Variants in ADGRG6 observed in about 807,000 individuals in gnomAD.
ADGRG6 encodes the protein adhesion G protein-coupled receptor G6.
A neutral mutation model predicts 142.4 loss-of-function variants in ADGRG6; 84 were observed. That is an observed-to-expected ratio of 0.59 (90% CI 0.49 to 0.71). The LOEUF (loss-of-function observed/expected upper bound fraction) is 0.71, where lower values mean the gene tolerates loss of function less well. Among genes scored for constraint, ADGRG6 ranks in the 30% least tolerant of loss-of-function variants. ADGRG6 has a pLI of 0.00. For synonymous variants in ADGRG6, 521 were observed against 520.5 expected, an observed-to-expected ratio of 1.00 and a Z score of -0.01; for missense variants, 1,367 against 1,466.6, an observed-to-expected ratio of 0.93 and a Z score of 1.11.
intron 24 of ADGRG6, among the ~76,000 whole-genome samples, chr6:142,442,948 C>T (rs1002143075): frequency 2.0e-5 from 3 of 152,194 alleles, no homozygotes; most frequent in Non-Finnish European, 4.4e-5. Context: ...TATTTGAAAA[C>T]ATATCTTAGA....
chr6:142,434,708 C>T (rs1050164162), intron 22 of ADGRG6, among the ~76,000 whole-genome samples: 6 of 152,024 alleles, frequency 3.9e-5, no homozygotes, highest in Non-Finnish European at 8.8e-5. Flanking sequence ...TTCTGCAAGT[C>T]AAAATATGTA....
intron 2 of ADGRG6, among the ~76,000 whole-genome samples, chr6:142,324,503 C>T (rs1778666536): frequency 6.6e-6 from 1 of 152,144 alleles, no homozygotes; most frequent in Non-Finnish European, 1.5e-5. Flanking sequence ...CATTCTCCGT[C>T]ATTGCTGCCT....
chr6:142,336,460 G>T (rs1262875617), intron 2 of ADGRG6, among the ~76,000 whole-genome samples: 2 of 152,140 alleles, frequency 1.3e-5, no homozygotes, highest in African/African-American at 4.8e-5. Context: ...TTTGTGGTTT[G>T]CTCTCTGGGG....
At position 142,417,367 on chromosome 6, in the gene ADGRG6, A is replaced by G. The variant is rs1582660200; in HGVS notation, c.3033A>G (p.Glu1011=). 6.8e-7 allele frequency: 1 copy of G among 1,460,528 alleles called. No homozygotes were observed. Among genetic ancestry groups the G allele is most frequent in the Non-Finnish European group, 9.6e-7 (1 of 1,045,442 alleles). 90.5% of individuals were successfully genotyped at this position (1,460,528 alleles called of 1,614,324 possible). ...KESYGKEKGD[E]FCWIQDPVIF... is the part of the protein sequence containing the mutation. ...GTTATGGGAAAGAAAAAGGTGATGA[A>G]TTGTAAGTAATAAAAACTTTTTGTG... The change falls in exon 21 of 25, where the codon GAA becomes GAG. Residue 1011 remains glutamate (E), a splice_region_variant and synonymous_variant. Transcript: ENST00000367609.
intron 22 of ADGRG6, among the ~76,000 whole-genome samples, chr6:142,430,995 G>GCAA (rs1777181346): frequency 6.6e-6 from 1 of 151,884 alleles, no homozygotes; most frequent in African/African-American, 2.4e-5. Flanking sequence ...TGTGTTACTT[G>GCAA]CAACACCCTT....
intron 2 of ADGRG6, among the ~76,000 whole-genome samples, chr6:142,365,610 A>G (rs1358865431): frequency 4.6e-5 from 7 of 152,182 alleles, no homozygotes; most frequent in Admixed American, 4.6e-4. Context: ...AAGAGAAAGC[A>G]TTTGGCAGAC....
At position 142,400,465 on chromosome 6, in the gene ADGRG6, TG is replaced by T; in HGVS notation, c.1568-18del. 1 of 1,151,382 alleles carries T rather than the reference TG, an allele frequency of 8.7e-7. No homozygotes were observed. The highest frequency in any genetic ancestry group is 1.3e-6 in the Non-Finnish European group (1 of 761,098). The allele number at this position is 1,151,382 out of a possible 1,614,324, so 71.3% of individuals were successfully genotyped here. On this transcript the variant is annotated intron_variant, in intron 10 of 24. Coordinates refer to ENST00000367609, the MANE Select transcript of ADGRG6 (RefSeq NM_198569.3). ...AAAAATAGGTGAATATTTCTCATGC[TG>T]GTTCTTATGTTCATATAGGTCATTG...
At chr6:142,342,870 T>C (rs1779722063) in intron 2 of ADGRG6, among the ~76,000 whole-genome samples, 1 of 151,848 alleles carries the variant, frequency 6.6e-6, no homozygotes, top group African/African-American at 2.4e-5. Flanking sequence ...AAATATATTT[T>C]AGTAAGTAAA....
rs1285276608 is a variant in ADGRG6, at chr6:142,444,793, T to C, written c.*1278T>C. 6.6e-6 allele frequency: 1 copy of C among 152,164 alleles called. No homozygotes were observed. Among genetic ancestry groups the C allele is most frequent in the Non-Finnish European group, 1.5e-5 (1 of 68,036 alleles). 9.4% of individuals were successfully genotyped at this position (152,164 alleles called of 1,614,324 possible). The stretch of plus-strand genomic sequence containing the variant: ...GAATGTATAGGAGACCACATTGTAA[T>C]TGTTCTTAGATGATGGAGTCCATGC... On this transcript the variant is annotated 3_prime_UTR_variant, in exon 25 of 25. Coordinates refer to ENST00000367609, the MANE Select transcript of ADGRG6 (RefSeq NM_198569.3).
intron 2 of ADGRG6, among the ~76,000 whole-genome samples, chr6:142,352,050 T>C (rs1425546999): frequency 2.0e-5 from 3 of 152,142 alleles, no homozygotes; most frequent in Admixed American, 1.3e-4. Context: ...TGGAAAACAG[T>C]GTGGAGATTT....
rs1022605130 is a variant in ADGRG6 at position 142,438,428 on chromosome 6, C to A, written c.3574+64C>A. 1.2e-4 allele frequency: 130 copies of A among 1,119,800 alleles called. No individual in the cohort carries two copies. The African/African-American group carries it at 1.8e-3, about 15-fold the overall frequency. The allele number at this position is 1,119,800 out of a possible 1,614,324, so 69.4% of individuals were successfully genotyped here. On this transcript the variant is annotated intron_variant, in intron 24 of 24. Coordinates refer to ENST00000367609, the MANE Select transcript of ADGRG6 (RefSeq NM_198569.3). ...ATTTTCATTGCAAAAATTGGCATAT[C>A]ATGAAGATTGATAAATCACAGTGCC...
chr6:142,388,001 G>A (rs1782115808), intron 6 of ADGRG6, among the ~76,000 whole-genome samples: 1 of 152,174 alleles, frequency 6.6e-6, no homozygotes, highest in Non-Finnish European at 1.5e-5. Flanking sequence ...CACCGTGAGT[G>A]TTGTTAACAT....
At chr6:142,314,136 G>A (rs1465706609) in intron 2 of ADGRG6, among the ~76,000 whole-genome samples, 2 of 152,128 alleles carry the variant, frequency 1.3e-5, no homozygotes, top group African/African-American at 4.8e-5. Flanking sequence ...ATATTTCCTT[G>A]AGGCAACTTT....
At position 142,342,515 on chromosome 6, in the gene ADGRG6, C is replaced by T. The variant is rs139146933; in HGVS notation, c.104-25054C>T. Among the ~76,000 whole-genome samples the T allele has an allele frequency of 1.8e-3, 276 of 152,084 alleles. 7 individuals are homozygous for T. The East Asian group carries it at 0.039, about 22-fold the overall frequency. ...TTAAAGATTATGAAAACCCTAATTT[C>T]CTGAGCATTCTTATTGATACTTTAC... On this transcript the variant is annotated intron_variant, in intron 2 of 24. Coordinates refer to ENST00000367609, the MANE Select transcript of ADGRG6 (RefSeq NM_198569.3).
At chr6:142,376,310 G>A (rs186654346) in intron 4 of ADGRG6, among the ~76,000 whole-genome samples, 2 of 152,284 alleles carry the variant, frequency 1.3e-5, no homozygotes, top group Admixed American at 1.3e-4. Context: ...TCTTTCCTGA[G>A]GGAGTGGTAC....
chr6:142,414,227 C>T (rs1358230898), intron 18 of ADGRG6, among the ~76,000 whole-genome samples: 2 of 152,060 alleles, frequency 1.3e-5, no homozygotes. Context: ...TCTACCAAGT[C>T]CAGACCTGTA....
At chr6:142,408,834 C>A (rs566680837) in intron 16 of ADGRG6, among the ~76,000 whole-genome samples, 11 of 152,162 alleles carry the variant, frequency 7.2e-5, no homozygotes, top group South Asian at 4.2e-4. Flanking sequence ...CCAAAGGGCC[C>A]TCATCATGAT....
At position 142,370,196 on chromosome 6, in the gene ADGRG6, G is replaced by T. The variant is rs746494154; in HGVS notation, c.472G>T (p.Val158Phe). The change falls in exon 4 of 25, where the codon GTC becomes TTC. Residue 158 changes from valine (V) to phenylalanine (F), a missense_variant. Around this residue, in one of 3 missense-constraint regions of ADGRG6, gnomAD observed 737 missense variants for 746.5 expected, o/e 0.99. Transcript: ENST00000367609. ...RVAVSLRNQK[V>F]ILPQTSDAYQ... is the part of the protein sequence containing the mutation. Reference sequence around the variant, plus strand: ...TGCCGTGTCCTTAAGGAATCAAAAGGTCATTTTACCCCAGACATCAGATGC... The same window carrying T: ...TGCCGTGTCCTTAAGGAATCAAAAGTTCATTTTACCCCAGACATCAGATGC... 1.9e-6 allele frequency: 3 copies of T among 1,604,122 alleles called. No individual in the cohort carries two copies. Among genetic ancestry groups the T allele is most frequent in the Non-Finnish European group, 2.6e-6 (3 of 1,171,774 alleles).
intron 22 of ADGRG6, among the ~76,000 whole-genome samples, chr6:142,428,798 G>A (rs1367078290): frequency 3.3e-5 from 5 of 151,974 alleles, no homozygotes; most frequent in Non-Finnish European, 5.9e-5. Context: ...GGGATTATGG[G>A]GATTACAATT....
Sources: gnomAD v4.1 joint callset for allele counts (sites outside exome capture counted in the v4.1 genomes callset) on GRCh38, gnomAD v4.1.1 for gene constraint, gnomAD v4.1.1 regional missense constraint, MANE v1.5 for transcripts, NCBI Gene and HGNC (gene_info 2026-07-23, HGNC 2026-07-21) for gene names.